The following GUCY2C variants were observed in gnomAD, a reference collection of about 807,000 sequenced individuals.
The protein encoded by GUCY2C is guanylyl cyclase C.
Under a neutral mutation model 131.1 loss-of-function variants are expected in GUCY2C, and 118 were observed. The observed-to-expected ratio is 0.90, with a 90% CI of 0.78 to 1.05. The LOEUF (loss-of-function observed/expected upper bound fraction) is 1.05. Among genes scored for constraint, GUCY2C ranks in the 50% least tolerant of loss-of-function variants. The pLI is 0.00. For missense variants in GUCY2C, 1,161 were observed against 1,304.4 expected (o/e 0.89, Z 1.69); for synonymous variants, 452 against 457.8 (o/e 0.99, Z 0.16).
At chr12:14,691,079 A>G (rs1208450890) in intron 1 of GUCY2C, among the ~76,000 whole-genome samples, 1 of 152,240 alleles carries the variant, frequency 6.6e-6, no homozygotes, top group Non-Finnish European at 1.5e-5. Flanking sequence ...ACAAATAAGA[A>G]TGTTTTTAAA....
chr12:14,675,357 CAT>C (rs1011814580), intron 7 of GUCY2C, among the ~76,000 whole-genome samples: 2 of 151,634 alleles, frequency 1.3e-5, no homozygotes, highest in Admixed American at 6.6e-5. Context: ...AGTTATACTT[CAT>C]TCCCATGATG....
intron 12 of GUCY2C, 128 bp downstream of exon 12, chr12:14,656,384 A>T: frequency 1.6e-6 from 1 of 616,648 alleles, no homozygotes; most frequent in Non-Finnish European, 3.0e-6. Context: ...GCTGAAAATT[A>T]GAAAGCATCT....
chr12:14,656,703 TG>T, intron 11 of GUCY2C, 86 bp from the exon 12 acceptor site: 1 of 690,530 alleles, frequency 1.4e-6, no homozygotes, highest in Non-Finnish European at 2.6e-6. Context: ...TTTAGAACCC[TG>T]GTATGCTCAG....
At chr12:14,629,890 G>A (rs1482013935) in intron 19 of GUCY2C, among the ~76,000 whole-genome samples, 2 of 152,142 alleles carry the variant, frequency 1.3e-5, no homozygotes, top group African/African-American at 4.8e-5. Context: ...GTTAAACTTG[G>A]ATTTCAGATA....
intron 19 of GUCY2C, among the ~76,000 whole-genome samples, chr12:14,631,965 AT>A (rs1947155474): frequency 6.7e-6 from 1 of 149,056 alleles, no homozygotes; most frequent in African/African-American, 2.4e-5. Context: ...TTTGATTTGC[AT>A]TTCTCTGATG....
At chr12:14,638,622 T>C (rs1017186007) in intron 19 of GUCY2C, among the ~76,000 whole-genome samples, 10 of 152,126 alleles carry the variant, frequency 6.6e-5, no homozygotes, top group Admixed American at 1.3e-4. Flanking sequence ...AAGACAAATA[T>C]CACATGTTCT....
intron 15 of GUCY2C, among the ~76,000 whole-genome samples, chr12:14,648,003 C>T (rs533360881): frequency 6.6e-5 from 10 of 151,638 alleles, no homozygotes; most frequent in East Asian, 1.9e-4. Flanking sequence ...CATTGTTGCC[C>T]GGGCTGAAGT....
intron 4 of GUCY2C, among the ~76,000 whole-genome samples, chr12:14,682,777 G>A (rs891362748): frequency 6.6e-6 from 1 of 152,118 alleles, no homozygotes; most frequent in Non-Finnish European, 1.5e-5. Context: ...TTCAGATAAC[G>A]TACTGCAGGA....
At chr12:14,626,680 A>G (rs1189159184) in intron 20 of GUCY2C, among the ~76,000 whole-genome samples, 1 of 152,238 alleles carries the variant, frequency 6.6e-6, no homozygotes, top group Non-Finnish European at 1.5e-5. Flanking sequence ...TTAACATTCT[A>G]ATTTGTATCA....
intron 10 of GUCY2C, among the ~76,000 whole-genome samples, chr12:14,661,355 A>G (rs1947863157): frequency 6.6e-6 from 1 of 152,184 alleles, no homozygotes; most frequent in Non-Finnish European, 1.5e-5. Flanking sequence ...AGTTTAGAGC[A>G]CGTACAAAAA....
chr12:14,692,426 A>ATT (rs546456685), intron 1 of GUCY2C, among the ~76,000 whole-genome samples: 2,037 of 151,836 alleles, frequency 0.013, 52 homozygotes, highest in African/African-American at 0.045. Context: ...ACAGATATTT[A>ATT]TTTTTTTTGA....
chr12:14,651,402 C>T lies in GUCY2C; in HGVS notation c.1710+5G>A. 7.3e-7 allele frequency: 1 copy of T among 1,373,060 alleles called. No individual in the cohort carries two copies. The highest frequency in any genetic ancestry group is 1.0e-6 in the Non-Finnish European group (1 of 964,868). 85.1% of individuals were successfully genotyped at this position (1,373,060 alleles called of 1,614,324 possible). A position where few individuals can be genotyped will look rare whatever the true frequency, so the allele number is the denominator to read the frequency against. On this transcript the variant is annotated splice_donor_5th_base_variant and intron_variant, in intron 15 of 26. Transcript: ENST00000261170. ...AGAAAATTGGAAATGACCATGGTTT[C>T]TTACCCGGAGGGATCCTCTCTCACA...
At chr12:14,695,769 A>T (rs77150565) in intron 1 of GUCY2C, among the ~76,000 whole-genome samples, 2,382 of 152,208 alleles carry the variant, frequency 0.016, 72 homozygotes, top group African/African-American at 0.054. Context: ...ACCTCTGAGT[A>T]CAGAAGGAAA....
At chr12:14,677,764 G>GT (rs1948268693) in intron 6 of GUCY2C, among the ~76,000 whole-genome samples, 1 of 131,580 alleles carries the variant, frequency 7.6e-6, no homozygotes, top group Non-Finnish European at 1.6e-5. Flanking sequence ...ATTTTTAGTA[G>GT]AGACGGGTTT....
chr12:14,639,887 T>C lies in GUCY2C; in HGVS notation c.2132A>G (p.Glu711Gly), dbSNP rs1348353802. ...TTCTAGCTCTTTTTCCTCTGCTGTT[T>C]CCAAGAATAAATCTGGGCGGAAGGG... ...MKPFRPDLFL[E>G]TAEEKELEVY... The change falls in exon 19 of 27, where the codon GAA (glutamate) becomes GGA (glycine). Residue 711 changes from glutamate to glycine, a missense_variant. Glu to Gly is a moderately conservative substitution (Grantham distance 98). Coordinates refer to ENST00000261170, the MANE Select transcript of GUCY2C (RefSeq NM_004963.4). 6.2e-7 allele frequency: 1 copy of C among 1,608,544 alleles called. No homozygotes were observed. The highest frequency in any genetic ancestry group is 2.2e-5 in the East Asian group (1 of 44,852).
intron 13 of GUCY2C, among the ~76,000 whole-genome samples, chr12:14,652,479 C>T (rs1324760305): frequency 6.6e-6 from 1 of 152,058 alleles, no homozygotes; most frequent in African/African-American, 2.4e-5. Context: ...CCAGCCTTGA[C>T]TGATGTTTAT....
intron 18 of GUCY2C, among the ~76,000 whole-genome samples, chr12:14,640,684 AT>A (rs1005790481): frequency 1.3e-5 from 2 of 152,092 alleles, no homozygotes; most frequent in African/African-American, 4.8e-5. Flanking sequence ...GGAATGAAGC[AT>A]TTTCCCTTGA....
chr12:14,625,283 C>T (rs375628483), intron 21 of GUCY2C, among the ~76,000 whole-genome samples: 352 of 151,738 alleles, frequency 2.3e-3, no homozygotes, highest in African/African-American at 8.3e-3. Flanking sequence ...CAGAACATTA[C>T]TTAGTAGAGT....
intron 20 of GUCY2C, among the ~76,000 whole-genome samples, chr12:14,627,112 A>C (rs1393977119): frequency 1.3e-5 from 2 of 152,206 alleles, no homozygotes. Flanking sequence ...GGGAGGAGAC[A>C]CATTGAGTTC....
Sources: allele counts gnomAD v4.1 joint callset (sites outside exome capture counted in the v4.1 genomes callset), GRCh38; gene constraint gnomAD v4.1.1; transcripts MANE v1.5; gene names NCBI Gene and HGNC (gene_info 2026-07-23, HGNC 2026-07-21).